CACNA2D3: variants seen among roughly 807,000 people sequenced by gnomAD.
The protein encoded by CACNA2D3 is voltage-dependent calcium channel subunit alpha-2/delta-3.
Under a neutral mutation model 160.6 loss-of-function variants are expected in CACNA2D3, and 60 were observed. The observed-to-expected ratio is 0.37, with a 90% CI of 0.30 to 0.46. The LOEUF (loss-of-function observed/expected upper bound fraction) is 0.46. Among genes scored for constraint, CACNA2D3 ranks in the 20% least tolerant of loss-of-function variants. The probability of loss-of-function intolerance (pLI) is 1.00; values close to 1 mark genes in which losing one functional copy is unlikely to be tolerated. For synonymous variants in CACNA2D3, 558 were observed against 492.9 expected, an observed-to-expected ratio of 1.13 and a Z score of -1.75; for missense variants, 1,205 against 1,365.0, an observed-to-expected ratio of 0.88 and a Z score of 1.85.
chr3:54,462,780 A>C (rs2106847793), intron 4 of CACNA2D3, among the ~76,000 whole-genome samples: 1 of 151,918 alleles, frequency 6.6e-6, no homozygotes, highest in South Asian at 2.1e-4. Flanking sequence ...TTTGCATTTA[A>C]AGTTAATATT....
intron 14 of CACNA2D3, among the ~76,000 whole-genome samples, chr3:54,821,907 G>T (rs544428136): frequency 0.011 from 1,716 of 152,092 alleles, 24 homozygotes; most frequent in African/African-American, 0.039. Context: ...AATGAAAATT[G>T]AAAATTGAAA....
chr3:54,811,465 C>CTT (rs71096451), intron 13 of CACNA2D3, among the ~76,000 whole-genome samples: 3 of 111,616 alleles, frequency 2.7e-5, no homozygotes, highest in South Asian at 3.4e-4. Flanking sequence ...TCCCTCAGTT[C>CTT]TTTTTTTTTT....
chr3:54,743,062 A>G (rs982697948), intron 11 of CACNA2D3, among the ~76,000 whole-genome samples: 3 of 152,256 alleles, frequency 2.0e-5, no homozygotes, highest in African/African-American at 7.2e-5. Flanking sequence ...AATGAGCTCT[A>G]TGCTGATAAA....
intron 2 of CACNA2D3, among the ~76,000 whole-genome samples, chr3:54,284,962 G>A (rs541224955): frequency 6.6e-6 from 1 of 152,314 alleles, no homozygotes; most frequent in South Asian, 2.1e-4. Context: ...TACGAAGATG[G>A]CCGAATAGGA....
chr3:54,543,743 T>G (rs1702019525), intron 5 of CACNA2D3, among the ~76,000 whole-genome samples: 3 of 152,198 alleles, frequency 2.0e-5, no homozygotes, highest in Admixed American at 2.0e-4. Context: ...CTCTTGCATT[T>G]TCTTTATCAA....
chr3:54,418,063 C>T (rs1429252143), intron 4 of CACNA2D3, among the ~76,000 whole-genome samples: 1 of 152,212 alleles, frequency 6.6e-6, no homozygotes, highest in Non-Finnish European at 1.5e-5. Context: ...TCCGAAATTA[C>T]AGGCATGAGC....
intron 4 of CACNA2D3, among the ~76,000 whole-genome samples, chr3:54,432,933 C>T (rs893879784): frequency 1.4e-4 from 21 of 151,874 alleles, no homozygotes; most frequent in African/African-American, 4.8e-4. Context: ...TCTTTTTCAC[C>T]ATGCCTTTTG....
intron 31 of CACNA2D3, among the ~76,000 whole-genome samples, chr3:54,995,864 C>T (rs550649604): frequency 1.3e-5 from 2 of 152,224 alleles, no homozygotes; most frequent in South Asian, 2.1e-4. Flanking sequence ...CTCTGATAAC[C>T]CCTTTGGAAC....
intron 35 of CACNA2D3, among the ~76,000 whole-genome samples, chr3:55,041,639 T>C (rs1703963004): frequency 6.6e-6 from 1 of 152,124 alleles, no homozygotes; most frequent in Non-Finnish European, 1.5e-5. Flanking sequence ...GTTTAAAAAA[T>C]ATGTCCATAT....
At chr3:54,793,648 C>T (rs1194064131) in intron 13 of CACNA2D3, among the ~76,000 whole-genome samples, 3 of 152,168 alleles carry the variant, frequency 2.0e-5, no homozygotes, top group Middle Eastern at 3.2e-3. Context: ...CCATCCCCCA[C>T]GTAACTCCCT....
intron 4 of CACNA2D3, among the ~76,000 whole-genome samples, chr3:54,418,091 G>C (rs538664568): frequency 1.3e-5 from 2 of 152,168 alleles, no homozygotes; most frequent in African/African-American, 4.8e-5. Flanking sequence ...CCCAGCCAAG[G>C]GTTCTTTTGA....
intron 11 of CACNA2D3, among the ~76,000 whole-genome samples, chr3:54,704,181 A>G (rs1361414554): frequency 3.3e-5 from 5 of 152,208 alleles, no homozygotes; most frequent in African/African-American, 1.2e-4. Context: ...AGGAGGGGAA[A>G]AATTACTGGA....
At chr3:54,808,364 C>G (rs1703190044) in intron 13 of CACNA2D3, among the ~76,000 whole-genome samples, 1 of 152,250 alleles carries the variant, frequency 6.6e-6, no homozygotes, top group South Asian at 2.1e-4. Context: ...CTGCCATGCC[C>G]TCCCTGCTGT....
chr3:55,015,010 C>T (rs1301269417), intron 34 of CACNA2D3, among the ~76,000 whole-genome samples: 1 of 152,120 alleles, frequency 6.6e-6, no homozygotes, highest in Non-Finnish European at 1.5e-5. Flanking sequence ...CATGGAGTGC[C>T]CTACAATTGT....
chr3:54,831,386 C>T (rs1284028830), intron 14 of CACNA2D3, among the ~76,000 whole-genome samples: 1 of 152,244 alleles, frequency 6.6e-6, no homozygotes. Context: ...ACAGAGGCTT[C>T]TGCCACCAGT....
chr3:54,287,377 T>C (rs369829943), intron 2 of CACNA2D3, among the ~76,000 whole-genome samples: 1 of 151,728 alleles, frequency 6.6e-6, no homozygotes, highest in Non-Finnish European at 1.5e-5. Context: ...AAGAGCTAAC[T>C]ATCCTAAATA....
At position 55,038,446 on chromosome 3, in the gene CACNA2D3, G is replaced by A. The variant is rs947316375; in HGVS notation, c.2987+20129G>A. ...AATATATGAACATGCATTCACAGGC[G>A]TGACATCAAATGCTATAGATGCACA... On this transcript the variant is annotated intron_variant, in intron 35 of 37. Coordinates refer to ENST00000474759, the MANE Select transcript of CACNA2D3 (RefSeq NM_018398.3). 3.3e-5 allele frequency among the ~76,000 whole-genome samples: 5 copies of A among 152,122 alleles called. No individual in the cohort carries two copies. In the South Asian group the frequency reaches 6.2e-4, roughly 19 times the overall value.
intron 2 of CACNA2D3, among the ~76,000 whole-genome samples, chr3:54,296,631 C>G (rs1056708185): frequency 3.9e-5 from 6 of 152,178 alleles, no homozygotes; most frequent in African/African-American, 1.4e-4. Context: ...ATAGAGGCCA[C>G]TGGGCTGCAG....
At chr3:54,383,564 T>A (rs1357285616) in intron 3 of CACNA2D3, among the ~76,000 whole-genome samples, 1 of 152,124 alleles carries the variant, frequency 6.6e-6, no homozygotes, top group Non-Finnish European at 1.5e-5. Flanking sequence ...TCTTCATGGA[T>A]GGAGAAGGAA....
Sources: allele counts gnomAD v4.1 joint callset (sites outside exome capture counted in the v4.1 genomes callset), GRCh38; gene constraint gnomAD v4.1.1; transcripts MANE v1.5; gene names NCBI Gene and HGNC (gene_info 2026-07-23, HGNC 2026-07-21).